NAF1: variants seen among roughly 807,000 people sequenced by gnomAD.
NAF1 encodes the protein H/ACA ribonucleoprotein complex non-core subunit NAF1.
A neutral mutation model predicts 40.6 loss-of-function variants in NAF1; 11 were observed. That is an observed-to-expected ratio of 0.27 (90% CI 0.17 to 0.45). The LOEUF is 0.45. Ranked by LOEUF, NAF1 falls within the 20% of genes least tolerant of loss-of-function variation. The pLI is 1.00. For synonymous variants in NAF1, 260 were observed against 228.5 expected (o/e 1.14, Z -1.24); for missense variants, 607 against 611.1 (o/e 0.99, Z 0.07).
chr4:163,156,332 TAAGC>T (rs973935420), intron 2 of NAF1, among the ~76,000 whole-genome samples: 1 of 125,054 alleles, frequency 8.0e-6, no homozygotes, highest in African/African-American at 2.8e-5. Flanking sequence ...TCATCACACA[TAAGC>T]AACAACCAAG....
At chr4:163,135,220 CTCTTTT>C (rs1731009648) in intron 6 of NAF1, 1 of 152,034 alleles carries the variant, frequency 6.6e-6, no homozygotes, top group Non-Finnish European at 1.5e-5. Context: ...TCTCCTTTTT[CTCTTTT>C]TAAGTTTAAA....
At position 163,156,843 on chromosome 4, in the gene NAF1, G is replaced by A. The variant is rs562420004; in HGVS notation, c.540+7374C>T. 2.6e-5 allele frequency: 4 copies of A among 152,172 alleles called. No individual in the cohort carries two copies. The East Asian group carries it at 7.7e-4, about 29-fold the overall frequency. 9.4% of individuals were successfully genotyped at this position (152,172 alleles called of 1,614,324 possible). Reference sequence around the variant, plus strand: ...TTTCATTGTTTCCCAAAATTAAAATGCAACTAAAAGCCTGTTCTGGATGTA... The same window carrying A: ...TTTCATTGTTTCCCAAAATTAAAATACAACTAAAAGCCTGTTCTGGATGTA... On this transcript the variant is annotated intron_variant, in intron 2 of 7. Coordinates refer to ENST00000274054, the MANE Select transcript of NAF1 (RefSeq NM_138386.3).
In NAF1 at chr4:163,166,615, G is replaced by A. The variant is rs1732487608; in HGVS notation, c.113C>T (p.Pro38Leu). The stretch of plus-strand genomic sequence containing the variant: ...CGACTGTAGCGGCGGCTGTGTCCCT[G>A]GCACAGGGGCAGAGCCCGGAGACGG... The part of the protein sequence containing the change: ...AAPSPGSAPV[P>L]GTQPPLQSFE... Residue 38 changes from proline (P) to leucine (L), a missense_variant, in exon 1 of 8, where the codon CCA becomes CTA. Coordinates refer to ENST00000274054, the MANE Select transcript of NAF1 (RefSeq NM_138386.3). The A allele has an allele frequency of 6.2e-7, 1 of 1,610,990 alleles. No homozygotes were observed. The highest frequency in any genetic ancestry group is 8.5e-7 in the Non-Finnish European group (1 of 1,179,402).
intron 2 of NAF1, among the ~76,000 whole-genome samples, chr4:163,160,438 T>C (rs566522376): frequency 1.4e-5 from 2 of 147,538 alleles, no homozygotes; most frequent in East Asian, 4.4e-4. Flanking sequence ...TTAAAAATTA[T>C]ATCTTTCTAA....
At chr4:163,156,631 T>C (rs1383856478) in intron 2 of NAF1, among the ~76,000 whole-genome samples, 1 of 152,050 alleles carries the variant, frequency 6.6e-6, no homozygotes, top group African/African-American at 2.4e-5. Flanking sequence ...TTCTCACACA[T>C]CAAAAAAGCC....
In NAF1 at chr4:163,129,256, C is replaced by T. The variant is rs1405379358; in HGVS notation, c.1126G>A (p.Gly376Arg). Residue 376 changes from glycine to arginine, a missense_variant, in exon 8 of 8, where the codon GGA (glycine) becomes AGA (arginine). Gly to Arg is a moderately radical substitution (Grantham distance 125). Coordinates refer to ENST00000274054, the MANE Select transcript of NAF1 (RefSeq NM_138386.3). ...KGYRNREFTR[G>R]FSRARYPRSC... ...CGAGGGTATCTGGCCCTGGAAAATC[C>T]TCGTGTGAATTCTCTGTTACGATAT... 6.2e-7 allele frequency: 1 copy of T among 1,613,990 alleles called. No individual in the cohort carries two copies. The highest frequency in any genetic ancestry group is 8.5e-7 in the Non-Finnish European group (1 of 1,180,012).
rs111428161 is a variant in NAF1 at position 163,131,619 on chromosome 4, A to G, written c.1033+1535T>C. On this transcript the variant is annotated intron_variant, in intron 7 of 7. Coordinates refer to ENST00000274054, the MANE Select transcript of NAF1 (RefSeq NM_138386.3). ...GAATCACAAGTGTACAATTTAAAAC[A>G]GAAGACTACAAAACTTTTAGGGAAA... Among the ~76,000 whole-genome samples, 1,416 of 152,338 alleles carry G rather than the reference A, an allele frequency of 9.3e-3. 29 individuals carry two copies. The highest frequency in any genetic ancestry group is 0.032 in the African/African-American group (1,331 of 41,582).
At chr4:163,122,226 T>C (rs1730537635), downstream of NAF1, among the ~76,000 whole-genome samples, 1 of 152,204 alleles carries the variant, frequency 6.6e-6, no homozygotes. Context: ...ATTTAATAAA[T>C]AGCTTAAAAT....
chr4:163,143,562 A>C (rs2110949513), intron 4 of NAF1, among the ~76,000 whole-genome samples: 1 of 152,272 alleles, frequency 6.6e-6, no homozygotes, highest in African/African-American at 2.4e-5. Context: ...AAACTTACTA[A>C]GTTATCTAGA....
intron 2 of NAF1, among the ~76,000 whole-genome samples, chr4:163,118,145 C>T (rs1022736450): frequency 1.3e-5 from 2 of 152,028 alleles, no homozygotes; most frequent in Non-Finnish European, 2.9e-5. Context: ...CTCACTAATG[C>T]TTGTCACAAT....
chr4:163,109,640 G>A (rs1237839794), downstream of NAF1, among the ~76,000 whole-genome samples: 3 of 152,204 alleles, frequency 2.0e-5, no homozygotes, highest in Non-Finnish European at 2.9e-5. Flanking sequence ...ACAGAAAAGT[G>A]AGGATGATCT....
At chr4:163,148,652 A>T (rs984975321) in intron 2 of NAF1, among the ~76,000 whole-genome samples, 7 of 152,268 alleles carry the variant, frequency 4.6e-5, no homozygotes, top group African/African-American at 1.7e-4. Context: ...TCAAGTATAC[A>T]CCCCAAATTC....
intron 2 of NAF1, among the ~76,000 whole-genome samples, chr4:163,163,770 C>G (rs1165101496): frequency 6.6e-6 from 1 of 152,110 alleles, no homozygotes; most frequent in African/African-American, 2.4e-5. Flanking sequence ...ATTTCATCTT[C>G]TACTTCTCTA....
chr4:163,154,301 G>A (rs1420407293), intron 2 of NAF1, among the ~76,000 whole-genome samples: 1 of 152,176 alleles, frequency 6.6e-6, no homozygotes, highest in Non-Finnish European at 1.5e-5. Context: ...CCTCTTGATA[G>A]TAACAACTCT....
intron 4 of NAF1, among the ~76,000 whole-genome samples, chr4:163,143,705 G>A (rs1731350500): frequency 6.6e-6 from 1 of 152,104 alleles, no homozygotes; most frequent in Non-Finnish European, 1.5e-5. Context: ...GCCTGTGAAG[G>A]GCCAAGGTCT....
At chr4:163,156,566 C>A (rs1731995165) in intron 2 of NAF1, among the ~76,000 whole-genome samples, 1 of 152,058 alleles carries the variant, frequency 6.6e-6, no homozygotes, top group Non-Finnish European at 1.5e-5. Context: ...TAAGACAGCA[C>A]AATATGGACA....
intron 6 of NAF1, chr4:163,134,884 T>C (rs955909895): frequency 1.1e-4 from 16 of 152,180 alleles, no homozygotes; most frequent in African/African-American, 3.9e-4. Context: ...TAATTGAACA[T>C]CATCTTAAGA....
chr4:163,150,143 G>A (rs896105637), intron 2 of NAF1, among the ~76,000 whole-genome samples: 8 of 151,972 alleles, frequency 5.3e-5, no homozygotes, highest in Non-Finnish European at 7.4e-5. Context: ...AAAGGCCCCT[G>A]GTTTTGTATT....
intron 2 of NAF1, among the ~76,000 whole-genome samples, chr4:163,150,514 C>T (rs1731657231): frequency 6.6e-6 from 1 of 152,112 alleles, no homozygotes; most frequent in Admixed American, 6.5e-5. Flanking sequence ...TCATACCCTG[C>T]ATATCTTTCT....
Sources: gnomAD v4.1 joint callset for allele counts (sites outside exome capture counted in the v4.1 genomes callset) on GRCh38, gnomAD v4.1.1 for gene constraint, MANE v1.5 for transcripts, NCBI Gene and HGNC (gene_info 2026-07-23, HGNC 2026-07-21) for gene names.